The following CNTN4 variants were observed in gnomAD, a reference collection of about 807,000 sequenced individuals.
CNTN4 encodes the protein contactin-4.
A neutral mutation model predicts 122.5 loss-of-function variants in CNTN4; 77 were observed. The observed-to-expected ratio is 0.63, with a 90% confidence interval of 0.52 to 0.76. The LOEUF is 0.76. Among genes scored for constraint, CNTN4 ranks in the 30% least tolerant of loss-of-function variants. The pLI is 0.00. For synonymous variants in CNTN4, 512 were observed against 447.0 expected (o/e 1.15, Z -1.83); for missense variants, 1,256 against 1,259.1 (o/e 1.00, Z 0.04).
intron 4 of CNTN4, among the ~76,000 whole-genome samples, chr3:2,610,629 G>A (rs1222130552): frequency 6.6e-6 from 1 of 152,158 alleles, no homozygotes; most frequent in Non-Finnish European, 1.5e-5. Context: ...ATGTACAAAT[G>A]CTTGTTATCA....
intron 11 of CNTN4, among the ~76,000 whole-genome samples, chr3:2,901,335 AG>A (rs1345229725): frequency 6.6e-6 from 1 of 152,180 alleles, no homozygotes; most frequent in African/African-American, 2.4e-5. Context: ...CATTTTCCTC[AG>A]GCTCCAAATT....
intron 3 of CNTN4, among the ~76,000 whole-genome samples, chr3:2,406,833 G>A (rs1032413432): frequency 3.3e-5 from 5 of 152,086 alleles, no homozygotes; most frequent in Non-Finnish European, 5.9e-5. Flanking sequence ...AACTGTGGAG[G>A]AATGCAAAAC....
At chr3:2,380,118 T>C (rs1309898988) in intron 3 of CNTN4, among the ~76,000 whole-genome samples, 1 of 152,116 alleles carries the variant, frequency 6.6e-6, no homozygotes, top group Non-Finnish European at 1.5e-5. Context: ...CTGTGTCTCT[T>C]GGTATAAGCT....
intron 4 of CNTN4, among the ~76,000 whole-genome samples, chr3:2,646,491 C>A (rs1271643340): frequency 6.6e-6 from 1 of 152,096 alleles, no homozygotes; most frequent in Non-Finnish European, 1.5e-5. Flanking sequence ...TTAATACATA[C>A]CCTCAGACTA....
chr3:2,657,360 C>T (rs1310415025), intron 4 of CNTN4, among the ~76,000 whole-genome samples: 3 of 152,170 alleles, frequency 2.0e-5, no homozygotes, highest in Admixed American at 6.5e-5. Context: ...ACATCAATCT[C>T]TCCAGTGGGT....
At chr3:3,039,879 C>T (rs558599651) in intron 19 of CNTN4, 158 bp from the exon 20 acceptor site, 1 of 680,316 alleles carries the variant, frequency 1.5e-6, no homozygotes, top group Non-Finnish European at 2.7e-6. Flanking sequence ...TTAAGATAGA[C>T]TGACTGCAAG....
chr3:2,183,467 G>A (rs1342982040), intron 2 of CNTN4, among the ~76,000 whole-genome samples: 1 of 151,606 alleles, frequency 6.6e-6, no homozygotes, highest in Non-Finnish European at 1.5e-5. Context: ...CTTTTTTTGG[G>A]GCTCATTTTT....
intron 4 of CNTN4, among the ~76,000 whole-genome samples, chr3:2,702,712 C>T (rs370195489): frequency 1.3e-5 from 2 of 151,928 alleles, no homozygotes; most frequent in African/African-American, 4.9e-5. Flanking sequence ...TTAATCTTAC[C>T]TAGAGGCTGA....
At chr3:2,188,513 A>C (rs2149322130) in intron 2 of CNTN4, among the ~76,000 whole-genome samples, 1 of 152,310 alleles carries the variant, frequency 6.6e-6, no homozygotes, top group African/African-American at 2.4e-5. Flanking sequence ...GGGTAAATAA[A>C]GTCCAGAAAC....
chr3:2,939,395 G>A (rs2094593512), intron 13 of CNTN4, among the ~76,000 whole-genome samples: 1 of 151,984 alleles, frequency 6.6e-6, no homozygotes, highest in Non-Finnish European at 1.5e-5. Flanking sequence ...ATGGGCATGG[G>A]TGTTAATGTA....
intron 4 of CNTN4, among the ~76,000 whole-genome samples, chr3:2,660,179 G>T (rs6442743): frequency 0.45 from 68,148 of 151,680 alleles, 16,012 homozygotes; most frequent in South Asian, 0.58. Context: ...GCCACAGCAC[G>T]CACTGATTTC....
At chr3:2,591,352 C>CTTTTTTTTTTTTTT (rs71058629) in intron 4 of CNTN4, among the ~76,000 whole-genome samples, 1 of 36,376 alleles carries the variant, frequency 2.7e-5, no homozygotes, top group African/African-American at 9.7e-5. Context: ...AGATTTGTGA[C>CTTTTTTTTTTTTTT]TTTTTTTTTT....
chr3:2,569,363 C>A (rs1305605682), intron 3 of CNTN4, among the ~76,000 whole-genome samples: 1 of 152,152 alleles, frequency 6.6e-6, no homozygotes, highest in African/African-American at 2.4e-5. Context: ...TCATGTAAGC[C>A]TGTGTTTGCT....
intron 3 of CNTN4, among the ~76,000 whole-genome samples, chr3:2,374,197 A>G (rs551486234): frequency 6.6e-6 from 1 of 152,286 alleles, no homozygotes; most frequent in South Asian, 2.1e-4. Flanking sequence ...TTGTCTGTCC[A>G]TAGATTGTGG....
chr3:3,050,759 G>T (rs953932213), intron 23 of CNTN4, among the ~76,000 whole-genome samples: 1 of 25,696 alleles, frequency 3.9e-5, no homozygotes, highest in Admixed American at 4.0e-4. Context: ...GTGAAACTCC[G>T]TCTCAAAAAA....
intron 2 of CNTN4, among the ~76,000 whole-genome samples, chr3:2,205,964 AT>A (rs1323202669): frequency 2.0e-5 from 3 of 152,110 alleles, no homozygotes; most frequent in Non-Finnish European, 4.4e-5. Context: ...ATTACTTTGC[AT>A]TTAAAGTAGG....
intron 2 of CNTN4, among the ~76,000 whole-genome samples, chr3:2,312,094 A>C (rs1483229420): frequency 6.6e-6 from 1 of 151,968 alleles, no homozygotes; most frequent in Admixed American, 6.6e-5. Context: ...CGGCAGGATC[A>C]CTGAGCCCAG....
intron 3 of CNTN4, among the ~76,000 whole-genome samples, chr3:2,376,256 G>A (rs1268960658): frequency 1.3e-5 from 2 of 151,980 alleles, no homozygotes; most frequent in Non-Finnish European, 2.9e-5. Flanking sequence ...AGTTTCTATC[G>A]AACTATTTAA....
chr3:2,868,054 T>C (rs1239398706), intron 8 of CNTN4, among the ~76,000 whole-genome samples: 2 of 152,132 alleles, frequency 1.3e-5, no homozygotes, highest in Non-Finnish European at 2.9e-5. Context: ...TTTAAATCCT[T>C]TTACTGTCTA....
Sources: gnomAD v4.1 joint callset for allele counts (sites outside exome capture counted in the v4.1 genomes callset) on GRCh38, gnomAD v4.1.1 for gene constraint, MANE v1.5 for transcripts, NCBI Gene and HGNC (gene_info 2026-07-23, HGNC 2026-07-21) for gene names.